The following CCDC3 variants were observed in gnomAD, a reference collection of about 807,000 sequenced individuals.
CCDC3 encodes the protein coiled-coil domain-containing protein 3.
Under a neutral mutation model 21.4 loss-of-function variants are expected in CCDC3, and 24 were observed. The ratio of observed to expected loss-of-function variants is 1.12; its 90% CI spans 0.81 to 1.58. The LOEUF (loss-of-function observed/expected upper bound fraction) is 1.58. Among genes scored for constraint, CCDC3 ranks in the 40% most tolerant of loss-of-function variants. CCDC3 has a pLI of 0.00. For missense variants in CCDC3, 425 were observed against 360.9 expected, an observed-to-expected ratio of 1.18 and a Z score of -1.44; for synonymous variants, 186 against 166.0, an observed-to-expected ratio of 1.12 and a Z score of -0.93.
rs541783239 is a variant in CCDC3, at chr10:12,916,300, T to C, written c.550-17621A>G. Among the ~76,000 whole-genome samples the C allele has an allele frequency of 5.9e-5, 9 of 151,880 alleles. No homozygotes were observed. In the South Asian group the frequency reaches 6.2e-4, roughly 11 times the overall value. ...TACAAAAATTAGCTGGGCATGGTGG[T>C]GCATGCCTGTAATCCCAGCTACTCA... On this transcript the variant is annotated intron_variant, in intron 2 of 2. Transcript: ENST00000378825.
At chr10:12,926,629 A>G (rs575197093) in intron 2 of CCDC3, among the ~76,000 whole-genome samples, 4 of 152,352 alleles carry the variant, frequency 2.6e-5, no homozygotes, top group Non-Finnish European at 4.4e-5. Context: ...CTAAATATAA[A>G]TGGACTAAAC....
intron 3 of CCDC3, among the ~76,000 whole-genome samples, chr10:13,078,470 G>C (rs530576756): frequency 6.6e-6 from 1 of 152,194 alleles, no homozygotes; most frequent in Admixed American, 6.5e-5. Context: ...CAAGGATCTA[G>C]AACTAGAAAT....
intron 2 of CCDC3, among the ~76,000 whole-genome samples, chr10:12,987,754 G>C (rs571755417): frequency 1.3e-5 from 2 of 152,322 alleles, no homozygotes; most frequent in South Asian, 4.1e-4. Context: ...CGAGGTGCTG[G>C]AGGAAGATGA....
chr10:13,080,891 G>T (rs1199688813), intron 3 of CCDC3, among the ~76,000 whole-genome samples: 1 of 152,246 alleles, frequency 6.6e-6, no homozygotes, highest in Non-Finnish European at 1.5e-5. Flanking sequence ...TTGGCCGGGT[G>T]AGTCACAAGG....
intron 2 of CCDC3, among the ~76,000 whole-genome samples, chr10:12,948,103 G>C (rs1237914615): frequency 2.0e-5 from 3 of 152,068 alleles, no homozygotes; most frequent in African/African-American, 7.2e-5. Flanking sequence ...CTGAATCATG[G>C]GGTCAGGTTT....
intron 2 of CCDC3, among the ~76,000 whole-genome samples, chr10:12,967,712 G>A (rs963291383): frequency 2.6e-5 from 4 of 151,914 alleles, no homozygotes; most frequent in African/African-American, 9.7e-5. Flanking sequence ...CAGGAATTAA[G>A]GGAAAAAAAC....
At chr10:12,983,575 A>T (rs76338811) in intron 2 of CCDC3, among the ~76,000 whole-genome samples, 1 of 130,674 alleles carries the variant, frequency 7.7e-6, no homozygotes, top group Non-Finnish European at 1.7e-5. Context: ...CTCTCTCAAG[A>T]AAAAAAAAAA....
chr10:13,012,730 C>A (rs1044666519), intron 5 of CCDC3, among the ~76,000 whole-genome samples: 37 of 151,922 alleles, frequency 2.4e-4, no homozygotes, highest in Non-Finnish European at 7.4e-5. Context: ...GAGATTGCAC[C>A]ACCGCACTCC....
chr10:13,096,042 G>A (rs535495927), intron 3 of CCDC3, among the ~76,000 whole-genome samples: 1 of 152,216 alleles, frequency 6.6e-6, no homozygotes, highest in East Asian at 1.9e-4. Context: ...GGGGTAGCAA[G>A]TACGAATATT....
chr10:13,095,059 G>C (rs1832614304), intron 3 of CCDC3, among the ~76,000 whole-genome samples: 1 of 152,078 alleles, frequency 6.6e-6, no homozygotes, highest in Non-Finnish European at 1.5e-5. Context: ...TCTCATACAG[G>C]GAGTTGCTTT....
At chr10:13,034,650 T>A (rs1836353261) in intron 5 of CCDC3, among the ~76,000 whole-genome samples, 1 of 152,106 alleles carries the variant, frequency 6.6e-6, no homozygotes, top group Non-Finnish European at 1.5e-5. Context: ...CAGTCCAGAT[T>A]CCTCTAAACT....
chr10:13,080,977 G>A (rs1837033114), intron 3 of CCDC3, among the ~76,000 whole-genome samples: 2 of 152,218 alleles, frequency 1.3e-5, no homozygotes, highest in Admixed American at 6.5e-5. Context: ...AGAGGGGCAG[G>A]GCCACCAGGT....
At chr10:13,042,860 G>A (rs1836477990) in intron 5 of CCDC3, among the ~76,000 whole-genome samples, 1 of 141,196 alleles carries the variant, frequency 7.1e-6, no homozygotes, top group African/African-American at 2.7e-5. Context: ...AGTGAGCCGA[G>A]ATGGCGCCAC....
chr10:12,911,192 G>A (rs1834265940), intron 2 of CCDC3, among the ~76,000 whole-genome samples: 1 of 126,158 alleles, frequency 7.9e-6, no homozygotes, highest in South Asian at 2.3e-4. Flanking sequence ...TCCTAATGAG[G>A]CTGTTGCATC....
At chr10:12,942,459 A>G (rs958455784) in intron 2 of CCDC3, among the ~76,000 whole-genome samples, 3 of 152,204 alleles carry the variant, frequency 2.0e-5, no homozygotes, top group African/African-American at 7.2e-5. Context: ...GAAGCTACAG[A>G]CATAGAAAAG....
At chr10:13,029,079 G>A (rs1439924295) in intron 5 of CCDC3, among the ~76,000 whole-genome samples, 1 of 152,174 alleles carries the variant, frequency 6.6e-6, no homozygotes, top group Admixed American at 6.6e-5. Context: ...GTGCAGGAGA[G>A]AGTGACAGGA....
chr10:12,981,583 A>T (rs1478916258), intron 2 of CCDC3, among the ~76,000 whole-genome samples: 1 of 152,176 alleles, frequency 6.6e-6, no homozygotes. Flanking sequence ...AAGAAAAGTG[A>T]TAAAAATTCA....
rs1401765402 is a variant in CCDC3, at chr10:13,008,760, CAGTA to C, written c.-1-10252_-1-10249del. On this transcript the variant is annotated intron_variant, in intron 5 of 6. Transcript: ENST00000378839. ...CAAAAAGAGAATTCTTGATAAAACTCAGTAAGTTAGCAATAGAAGGGAACTTTCT... is the reference window on the plus strand; with the variant it reads ...CAAAAAGAGAATTCTTGATAAAACTCAGTTAGCAATAGAAGGGAACTTTCT... Among the ~76,000 whole-genome samples the C allele has an allele frequency of 3.9e-5, 6 of 152,286 alleles. No individual in the cohort carries two copies. In the South Asian group the frequency reaches 8.3e-4, roughly 21 times the overall value.
intron 5 of CCDC3, among the ~76,000 whole-genome samples, chr10:13,045,723 T>C (rs542274824): frequency 6.6e-6 from 1 of 152,314 alleles, no homozygotes; most frequent in South Asian, 2.1e-4. Context: ...AGGGTCCTCA[T>C]CAACATTTTT....
Sources: gnomAD v4.1 joint callset for allele counts (sites outside exome capture counted in the v4.1 genomes callset) on GRCh38, gnomAD v4.1.1 for gene constraint, MANE v1.5 for transcripts, NCBI Gene and HGNC (gene_info 2026-07-23, HGNC 2026-07-21) for gene names.